Variants in CDH4 observed in about 807,000 individuals in gnomAD.
CDH4 encodes the protein cadherin-4.
A neutral mutation model predicts 86.0 loss-of-function variants in CDH4; 33 were observed. That is an observed-to-expected ratio of 0.38 (90% CI 0.29 to 0.51). CDH4 has a LOEUF of 0.51. Ranked by LOEUF, CDH4 falls within the 20% of genes least tolerant of loss-of-function variation. The pLI, the probability that CDH4 is intolerant of heterozygous loss-of-function variation, is 0.86. For synonymous variants in CDH4, 555 were observed against 549.4 expected (o/e 1.01, Z -0.14); for missense variants, 1,114 against 1,307.4 (o/e 0.85, Z 2.28).
chr20:61,328,882 T>C (rs1236105939), intron 2 of CDH4, among the ~76,000 whole-genome samples: 1 of 152,210 alleles, frequency 6.6e-6, no homozygotes, highest in African/African-American at 2.4e-5. Context: ...AAACTCCCAT[T>C]GTACAGATGC....
intron 2 of CDH4, among the ~76,000 whole-genome samples, chr20:61,741,556 A>T (rs1409435919): frequency 1.3e-5 from 2 of 150,870 alleles, no homozygotes; most frequent in East Asian, 2.0e-4. Context: ...CCATGGCGTG[A>T]TCTCGGCTCA....
At chr20:61,835,318 G>A (rs1440320383) in intron 4 of CDH4, among the ~76,000 whole-genome samples, 1 of 151,952 alleles carries the variant, frequency 6.6e-6, no homozygotes, top group East Asian at 1.9e-4. Flanking sequence ...TCCTGCCTCA[G>A]CCTCCTAAAG....
chr20:61,442,705 G>A (rs1307354205), intron 2 of CDH4, among the ~76,000 whole-genome samples: 1 of 152,228 alleles, frequency 6.6e-6, no homozygotes, highest in Non-Finnish European at 1.5e-5. Flanking sequence ...AAGGGTGTCA[G>A]GAGGCTCCCG....
chr20:61,854,844 C>T (rs1386194982), intron 6 of CDH4, among the ~76,000 whole-genome samples: 1 of 144,702 alleles, frequency 6.9e-6, no homozygotes, highest in Non-Finnish European at 1.5e-5. Flanking sequence ...CCCAGGGCTG[C>T]AGTGTGAACA....
chr20:61,346,423 C>T (rs1029279443), intron 2 of CDH4, among the ~76,000 whole-genome samples: 3 of 152,164 alleles, frequency 2.0e-5, no homozygotes, highest in Non-Finnish European at 2.9e-5. Flanking sequence ...TGAGCAGGAA[C>T]GTGCTGTTGG....
intron 2 of CDH4, among the ~76,000 whole-genome samples, chr20:61,629,843 C>T (rs1242688193): frequency 2.0e-5 from 3 of 152,196 alleles, no homozygotes; most frequent in African/African-American, 7.2e-5. Flanking sequence ...CGGCGCCTTC[C>T]TTAGATGGTC....
chr20:61,705,336 A>G (rs73150347), intron 2 of CDH4, among the ~76,000 whole-genome samples: 12,383 of 152,232 alleles, frequency 0.081, 584 homozygotes, highest in East Asian at 0.18. Flanking sequence ...ATGGTGTACA[A>G]CAGCCGATCT....
intron 4 of CDH4, among the ~76,000 whole-genome samples, chr20:61,798,726 G>A (rs1462992728): frequency 6.6e-6 from 1 of 152,232 alleles, no homozygotes; most frequent in East Asian, 1.9e-4. Flanking sequence ...CTTCCTCCTT[G>A]CAGAAGAGGA....
At chr20:61,778,354 A>G (rs1978358832) in intron 4 of CDH4, among the ~76,000 whole-genome samples, 1 of 152,200 alleles carries the variant, frequency 6.6e-6, no homozygotes, top group African/African-American at 2.4e-5. Flanking sequence ...CTGATAAAAT[A>G]TGTTAAACGA....
At chr20:61,868,211 G>C (rs566281921) in intron 6 of CDH4, among the ~76,000 whole-genome samples, 60 of 152,184 alleles carry the variant, frequency 3.9e-4, no homozygotes, top group Admixed American at 1.2e-3. Context: ...GAGGGGGTTC[G>C]TCCACGCCAG....
chr20:61,294,165 G>T (rs575690582), intron 2 of CDH4, among the ~76,000 whole-genome samples: 1 of 152,284 alleles, frequency 6.6e-6, no homozygotes, highest in South Asian at 2.1e-4. Flanking sequence ...AGCCACCCCC[G>T]CACTCCCTGA....
intron 2 of CDH4, among the ~76,000 whole-genome samples, chr20:61,712,326 C>T (rs749726371): frequency 5.9e-5 from 9 of 152,164 alleles, no homozygotes; most frequent in Non-Finnish European, 1.3e-4. Flanking sequence ...GGCTGCCTGG[C>T]CAAGGTGGGA....
intron 2 of CDH4, among the ~76,000 whole-genome samples, chr20:61,672,019 G>A (rs927566384): frequency 1.4e-5 from 2 of 146,756 alleles, no homozygotes; most frequent in African/African-American, 5.0e-5. Flanking sequence ...ATGGATGTAT[G>A]GACAGATGGG....
At chr20:61,903,191 C>T (rs927841096) in intron 8 of CDH4, among the ~76,000 whole-genome samples, 5 of 152,274 alleles carry the variant, frequency 3.3e-5, no homozygotes, top group Admixed American at 2.0e-4. Flanking sequence ...GGGTACAGGA[C>T]AGCTACAGAG....
chr20:61,391,684 G>T (rs575321128), intron 2 of CDH4, among the ~76,000 whole-genome samples: 1 of 152,336 alleles, frequency 6.6e-6, no homozygotes, highest in South Asian at 2.1e-4. Context: ...CTCCCGTGGG[G>T]AATGTGAGCA....
intron 2 of CDH4, among the ~76,000 whole-genome samples, chr20:61,555,307 C>T (rs149510758): frequency 1.2e-3 from 188 of 152,290 alleles, no homozygotes; most frequent in Admixed American, 3.0e-3. Context: ...GGCGAGGATG[C>T]GGAGTGAAGC....
intron 2 of CDH4, among the ~76,000 whole-genome samples, chr20:61,311,188 AACAC>A (rs1388201220): frequency 6.6e-6 from 1 of 152,040 alleles, no homozygotes; most frequent in African/African-American, 2.4e-5. Context: ...TAGCTCATTA[AACAC>A]ACACCCACAC....
intron 2 of CDH4, among the ~76,000 whole-genome samples, chr20:61,705,375 C>T (rs73915357): frequency 0.012 from 1,825 of 152,320 alleles, 45 homozygotes; most frequent in African/African-American, 0.041. Context: ...GGTTCCACAC[C>T]GCAGAGGGAG....
At chr20:61,527,486 T>C (rs866112693) in intron 2 of CDH4, among the ~76,000 whole-genome samples, 2 of 152,140 alleles carry the variant, frequency 1.3e-5, no homozygotes, top group African/African-American at 4.8e-5. Context: ...CTGACCTCAA[T>C]TGATCTACCT....
Sources: gnomAD v4.1 joint callset for allele counts (sites outside exome capture counted in the v4.1 genomes callset) on GRCh38, gnomAD v4.1.1 for gene constraint, MANE v1.5 for transcripts, NCBI Gene and HGNC (gene_info 2026-07-23, HGNC 2026-07-21) for gene names.